The following ERBB4 variants were observed in gnomAD, a reference collection of about 807,000 sequenced individuals.
The protein encoded by ERBB4 is receptor tyrosine-protein kinase erbB-4.
In ERBB4, 42 loss-of-function variants were observed where a neutral mutation model predicts 158.0. The ratio of observed to expected loss-of-function variants is 0.27; its 90% confidence interval spans 0.21 to 0.34. ERBB4 has a LOEUF of 0.34. ERBB4 is among the 10% of genes least tolerant of loss of function. The pLI is 1.00. For missense variants in ERBB4, 1,333 were observed against 1,624.1 expected (o/e 0.82, Z 3.08); for synonymous variants, 583 against 558.7 (o/e 1.04, Z -0.61).
At chr2:211,545,588 G>T (rs1474056352) in intron 20 of ERBB4, among the ~76,000 whole-genome samples, 3 of 151,818 alleles carry the variant, frequency 2.0e-5, no homozygotes, top group South Asian at 2.1e-4. Context: ...ACTCAGTCTG[G>T]CATTTAATCT....
intron 1 of ERBB4, among the ~76,000 whole-genome samples, chr2:212,241,473 C>G (rs1003538205): frequency 1.3e-5 from 2 of 152,092 alleles, no homozygotes; most frequent in African/African-American, 4.8e-5. Flanking sequence ...ACATTTAACA[C>G]AGGTAATAAC....
intron 1 of ERBB4, among the ~76,000 whole-genome samples, chr2:212,446,927 T>C (rs1052566417): frequency 4.0e-5 from 6 of 150,402 alleles, no homozygotes; most frequent in African/African-American, 1.5e-4. Flanking sequence ...GGAAATAATA[T>C]GATCAATTAT....
intron 3 of ERBB4, among the ~76,000 whole-genome samples, chr2:211,894,853 A>C (rs2079059964): frequency 6.6e-6 from 1 of 152,168 alleles, no homozygotes; most frequent in Non-Finnish European, 1.5e-5. Context: ...TCTAAGATGG[A>C]TAATTTAAGG....
intron 1 of ERBB4, among the ~76,000 whole-genome samples, chr2:212,354,490 T>C (rs2089388838): frequency 6.6e-6 from 1 of 152,122 alleles, no homozygotes; most frequent in African/African-American, 2.4e-5. Flanking sequence ...TTACATGCAA[T>C]ACAAAGGTGT....
At chr2:211,662,952 C>T (rs2071487078) in intron 15 of ERBB4, among the ~76,000 whole-genome samples, 1 of 152,108 alleles carries the variant, frequency 6.6e-6, no homozygotes, top group Admixed American at 6.6e-5. Context: ...GCCTGGTGAG[C>T]TCACACTTAC....
At chr2:211,419,364 A>G (rs2063463471) in intron 25 of ERBB4, among the ~76,000 whole-genome samples, 1 of 152,130 alleles carries the variant, frequency 6.6e-6, no homozygotes, top group Non-Finnish European at 1.5e-5. Context: ...ACTTATTACA[A>G]TCAATATGAA....
intron 17 of ERBB4, among the ~76,000 whole-genome samples, chr2:211,624,452 A>T (rs2069759307): frequency 6.6e-6 from 1 of 152,146 alleles, no homozygotes; most frequent in African/African-American, 2.4e-5. Context: ...AGGGCTGTTA[A>T]AACTTTAGTG....
At chr2:211,861,658 G>A (rs12991661) in intron 3 of ERBB4, among the ~76,000 whole-genome samples, 31,619 of 151,828 alleles carry the variant, frequency 0.21, 3,437 homozygotes, top group South Asian at 0.32. Context: ...GTTCACACAC[G>A]AAGTCTTGGG....
At chr2:211,623,845 T>C in intron 18 of ERBB4, 77 bp downstream of exon 18, 1 of 1,431,918 alleles carries the variant, frequency 7.0e-7, no homozygotes, top group African/African-American at 1.4e-5. Flanking sequence ...TTGTCTAAAG[T>C]AATAACTCCA....
In ERBB4 at chr2:212,121,616, C is replaced by T. The variant is rs112278850; in HGVS notation, c.234+3136G>A. On this transcript the variant is annotated intron_variant, in intron 2 of 27. Transcript: ENST00000342788. ...ACTTGTCACTTGGATGCTGATGTCT[C>T]CTAAATATCTCCACCATCGACGTTC... is the stretch of plus-strand genomic sequence containing the variant. 7.0e-3 allele frequency among the ~76,000 whole-genome samples: 1,064 copies of T among 152,306 alleles called. 7 individuals are homozygous for T. The highest frequency in any genetic ancestry group is 0.024 in the Middle Eastern group (7 of 294).
At chr2:211,408,110 C>A (rs1026673946) in intron 25 of ERBB4, among the ~76,000 whole-genome samples, 4 of 152,120 alleles carry the variant, frequency 2.6e-5, no homozygotes, top group African/African-American at 9.7e-5. Flanking sequence ...TAAATACATA[C>A]ATACATAAAT....
chr2:212,059,709 T>C (rs1330257880), intron 2 of ERBB4, among the ~76,000 whole-genome samples: 1 of 152,192 alleles, frequency 6.6e-6, no homozygotes, highest in Non-Finnish European at 1.5e-5. Context: ...CCCTATTTAA[T>C]AAATGGTCCT....
At chr2:211,734,620 TAAA>T (rs34036811) in intron 5 of ERBB4, among the ~76,000 whole-genome samples, 7 of 102,338 alleles carry the variant, frequency 6.8e-5, no homozygotes, top group Admixed American at 1.2e-4. Context: ...GCTGTAGCAT[TAAA>T]AAAAAAAAAA....
At chr2:212,175,013 A>T (rs548552610) in intron 1 of ERBB4, among the ~76,000 whole-genome samples, 1 of 152,056 alleles carries the variant, frequency 6.6e-6, no homozygotes, top group African/African-American at 2.4e-5. Flanking sequence ...GTTTTTGCCT[A>T]TATGGCTTTT....
At position 211,747,435 on chromosome 2, in the gene ERBB4, GAAGTA is replaced by G. The variant is rs528515628; in HGVS notation, c.622+3199_622+3203del. On this transcript the variant is annotated intron_variant, in intron 5 of 27. Transcript: ENST00000342788. The stretch of plus-strand genomic sequence containing the variant: ...TTCTGGTTGATAAACACTGCCCTGT[GAAGTA>G]AAGGGTAAAGTGTCCCATAAAACAA... 2.2e-4 allele frequency among the ~76,000 whole-genome samples: 34 copies of G among 152,210 alleles called. No homozygotes were observed. In the South Asian group the frequency reaches 4.2e-3, roughly 19 times the overall value.
intron 19 of ERBB4, among the ~76,000 whole-genome samples, chr2:211,615,202 A>T (rs1239071974): frequency 6.6e-6 from 1 of 152,102 alleles, no homozygotes; most frequent in African/African-American, 2.4e-5. Context: ...CTGGGGAAAA[A>T]TACAGAGTGA....
chr2:211,478,606 G>A (rs1271951325), intron 20 of ERBB4, among the ~76,000 whole-genome samples: 1 of 151,988 alleles, frequency 6.6e-6, no homozygotes, highest in Non-Finnish European at 1.5e-5. Flanking sequence ...AACACTTCTT[G>A]TAACTGTCCA....
At chr2:212,437,177 A>G (rs1201594995) in intron 1 of ERBB4, among the ~76,000 whole-genome samples, 1 of 152,034 alleles carries the variant, frequency 6.6e-6, no homozygotes, top group East Asian at 1.9e-4. Context: ...TTTTTTCTGC[A>G]TTCCCCCCAT....
intron 1 of ERBB4, among the ~76,000 whole-genome samples, chr2:212,416,523 T>C (rs13424127): frequency 0.093 from 14,096 of 152,162 alleles, 895 homozygotes; most frequent in Non-Finnish European, 0.15. Flanking sequence ...ATTAAAACTC[T>C]TGAGTTTCAA....
Sources: gnomAD v4.1 joint callset for allele counts (sites outside exome capture counted in the v4.1 genomes callset) on GRCh38, gnomAD v4.1.1 for gene constraint, MANE v1.5 for transcripts, NCBI Gene and HGNC (gene_info 2026-07-23, HGNC 2026-07-21) for gene names.